Variants in KANK3 observed in about 807,000 individuals in gnomAD.
KANK3 encodes the protein KN motif and ankyrin repeat domains 3.
In KANK3, 61 loss-of-function variants were observed where a neutral mutation model predicts 65.4. The observed-to-expected ratio is 0.93, with a 90% confidence interval of 0.76 to 1.15. The LOEUF (loss-of-function observed/expected upper bound fraction) is 1.15. KANK3 is among the 50% of genes most tolerant of loss of function. The pLI, the probability that KANK3 is intolerant of heterozygous loss-of-function variation, is 0.00. For synonymous variants in KANK3, 586 were observed against 543.3 expected (o/e 1.08, Z -1.09); for missense variants, 1,187 against 1,178.8 (o/e 1.01, Z -0.10).
chr19:8,334,220 G>A, intron 4 of KANK3, 100 bp downstream of exon 4: 3 of 1,540,342 alleles, frequency 1.9e-6, no homozygotes, highest in African/African-American at 1.4e-5. Context: ...AGGAAACTGA[G>A]GATTGCCCAG....
At chr19:8,337,192 C>T (rs1010567500) in intron 2 of KANK3, among the ~76,000 whole-genome samples, 6 of 138,124 alleles carry the variant, frequency 4.3e-5, no homozygotes, top group Admixed American at 1.5e-4. Context: ...GCCACCATGC[C>T]TGGCTAATTT....
At chr19:8,338,178 C>G (rs967019679) in intron 1 of KANK3, among the ~76,000 whole-genome samples, 5 of 151,830 alleles carry the variant, frequency 3.3e-5, no homozygotes, top group Non-Finnish European at 7.4e-5. Context: ...CCCACCACCA[C>G]GCCTGGCTAA....
At position 8,335,795 on chromosome 19, in the gene KANK3, G is replaced by A. The variant is rs552741605; in HGVS notation, c.35-3C>T. 8 of 1,233,966 alleles carry A rather than the reference G, an allele frequency of 6.5e-6. No homozygotes were observed. In the African/African-American group the frequency reaches 9.3e-5, roughly 14 times the overall value. The allele number at this position is 1,233,966 out of a possible 1,614,324, so 76.4% of individuals were successfully genotyped here. ...GCACAGGCGGGGGCCGCCCAGGTCT[G>A]GAGGCACGACGGGGGCACGGGGAGG... is the stretch of plus-strand genomic sequence containing the variant. On this transcript the variant is annotated splice_region_variant and splice_polypyrimidine_tract_variant and intron_variant, in intron 2 of 10. Transcript: ENST00000330915.
intron 2 of KANK3, among the ~76,000 whole-genome samples, chr19:8,336,294 G>A (rs1970636373): frequency 6.6e-6 from 1 of 152,066 alleles, no homozygotes; most frequent in African/African-American, 2.4e-5. Context: ...AAATTAGCTG[G>A]GCGGTAGTGG....
chr19:8,335,566 G>C lies in KANK3; in HGVS notation c.261C>G (p.Gly87=). The C allele has an allele frequency of 8.2e-7, 1 of 1,218,966 alleles. No homozygotes were observed. The highest frequency in any genetic ancestry group is 1.6e-5 in the African/African-American group (1 of 63,394). The allele number at this position is 1,218,966 out of a possible 1,614,324, so 75.5% of individuals were successfully genotyped here. A position where few individuals can be genotyped will look rare whatever the true frequency, so the allele number is the denominator to read the frequency against. ...RPGLAGARSP[G]AWTSSESLAS... ...CCAGGGACTCGCTGGATGTCCAGGC[G>C]CCTGGGCTACGTGCGCCCGCGAGGC... Residue 87 remains glycine (G), a synonymous_variant, in exon 3 of 11, where the codon GGC becomes GGG. Transcript: ENST00000330915.
chr19:8,331,935 G>A lies in KANK3; in HGVS notation c.1936+1079C>T, dbSNP rs182158089. Among the ~76,000 whole-genome samples, 9 of 151,722 alleles carry A rather than the reference G, an allele frequency of 5.9e-5. No individual in the cohort carries two copies. In the South Asian group the frequency reaches 1.0e-3, roughly 18 times the overall value. On this transcript the variant is annotated intron_variant, in intron 7 of 10. Coordinates refer to ENST00000330915, the MANE Select transcript of KANK3 (RefSeq NM_198471.3). ...TATTCCCTCCAGCTGCAAAGTAGGA[G>A]GAGCCTCAGGGCAGAACTAGGGGTA...
chr19:8,324,594 ACCC>A, intron 9 of KANK3, 33 bp downstream of exon 9: 1 of 1,612,342 alleles, frequency 6.2e-7, no homozygotes, highest in Non-Finnish European at 8.5e-7. Context: ...AGCCATGGGC[ACCC>A]CCCAAGATGC....
At chr19:8,328,417 A>ACG (rs969377336) in intron 7 of KANK3, among the ~76,000 whole-genome samples, 1 of 146,124 alleles carries the variant, frequency 6.8e-6, no homozygotes, top group African/African-American at 2.7e-5. Flanking sequence ...ACACACACAC[A>ACG]CACACACACA....
chr19:8,335,777 CG>C lies in KANK3; in HGVS notation c.49del (p.Arg17AlafsTer36), dbSNP rs2145435632. On this transcript the variant is annotated frameshift_variant, in exon 3 of 11. Transcript: ENST00000330915. LOFTEE classifies it high-confidence loss of function. The stretch of plus-strand genomic sequence containing the variant: ...CCCGGCGGCGGGGACCGGGCACAGG[CG>C]GGGGCCGCCCAGGTCTGGAGGCACG... ...NQNLPDLGGP[R>X]LCPVPAAGGA... 2.4e-6 allele frequency: 3 copies of C among 1,237,706 alleles called. No individual in the cohort carries two copies. The highest frequency in any genetic ancestry group is 2.0e-6 in the Non-Finnish European group (2 of 988,158). 76.7% of individuals were successfully genotyped at this position (1,237,706 alleles called of 1,614,324 possible). A position where few individuals can be genotyped will look rare whatever the true frequency, so the allele number is the denominator to read the frequency against.
intron 7 of KANK3, among the ~76,000 whole-genome samples, chr19:8,331,706 C>T (rs1970528526): frequency 6.6e-6 from 1 of 152,124 alleles, no homozygotes; most frequent in Admixed American, 6.6e-5. Context: ...TGAGTACCTC[C>T]CCTCCAGGCT....
chr19:8,335,655 C>A lies in KANK3; in HGVS notation c.172G>T (p.Gly58Cys), dbSNP rs1376171150. The change falls in exon 3 of 11, where the codon GGC becomes TGC. Residue 58 changes from glycine to cysteine, a missense_variant. By Grantham distance (159) the Gly-to-Cys change is radical (BLOSUM62 -3). Around this residue, in one of 3 missense-constraint regions of KANK3, gnomAD observed 104 missense variants for 122.1 expected, o/e 0.85. Coordinates refer to ENST00000330915, the MANE Select transcript of KANK3 (RefSeq NM_198471.3). Reference protein sequence around the residue: ...FLKYIEELERGPAARRAPGPP... With the variant: ...FLKYIEELERCPAARRAPGPP... The stretch of plus-strand genomic sequence containing the variant: ...CCCGGGGCGCGGCGGGCAGCGGGGC[C>A]ACGCTCCAGCTCCTCTATGTACTTG... 15 of 1,249,908 alleles carry A rather than the reference C, an allele frequency of 1.2e-5. No individual in the cohort carries two copies. The highest frequency in any genetic ancestry group is 1.5e-5 in the Non-Finnish European group (15 of 994,130). The allele number at this position is 1,249,908 out of a possible 1,614,324, so 77.4% of individuals were successfully genotyped here.
In KANK3 at chr19:8,324,619, T is replaced by C. The variant is rs772012421; in HGVS notation, c.2283+11A>G. 6.2e-7 allele frequency: 1 copy of C among 1,613,490 alleles called. No homozygotes were observed. Among genetic ancestry groups the C allele is most frequent in the Non-Finnish European group, 8.5e-7 (1 of 1,179,600 alleles). ...ACCCCCCAAGATGCCAGCCCCATTG[T>C]GGGGTCTTACATTGTCCAGGATGGC... On this transcript the variant is annotated intron_variant, in intron 9 of 10. Transcript: ENST00000330915.
intron 1 of KANK3, among the ~76,000 whole-genome samples, chr19:8,338,646 A>T (rs12151097): frequency 0.61 from 92,169 of 151,286 alleles, 28,380 homozygotes; most frequent in African/African-American, 0.66. Flanking sequence ...GAGGCCGAGG[A>T]GGGCGGATCA....
chr19:8,323,805 T>C (rs763493502), intron 10 of KANK3, among the ~76,000 whole-genome samples: 1 of 152,156 alleles, frequency 6.6e-6, no homozygotes, highest in Non-Finnish European at 1.5e-5. Flanking sequence ...GTGGGCTGAT[T>C]AGATAACTTG....
At position 8,322,701 on chromosome 19, in the gene KANK3, C is replaced by T. The variant is rs1741730155; in HGVS notation, c.*138G>A. ...GTGAGCCCCTTCCTGCCACAGTCAC[C>T]CCAACTGAAATTGCCTTTCTCTTCG... On this transcript the variant is annotated 3_prime_UTR_variant, in exon 11 of 11. Coordinates refer to ENST00000330915, the MANE Select transcript of KANK3 (RefSeq NM_198471.3). 1.5e-6 allele frequency: 1 copy of T among 656,326 alleles called. No homozygotes were observed. Among genetic ancestry groups the T allele is most frequent in the African/African-American group, 1.8e-5 (1 of 54,790 alleles). The allele number at this position is 656,326 out of a possible 1,614,324, so 40.7% of individuals were successfully genotyped here.
intron 1 of KANK3, among the ~76,000 whole-genome samples, chr19:8,342,207 G>A (rs1970730067): frequency 6.6e-6 from 1 of 152,070 alleles, no homozygotes. Context: ...TGGTCAGTCT[G>A]GTCTCAAACT....
rs1309320957 is a variant in KANK3, at chr19:8,333,492, C to A, written c.1719+232G>T. ...CGGGAGAACATGGAACGGGGAAAGG[C>A]AATGAACGCTTGCCCTTGGGGAGTC... On this transcript the variant is annotated intron_variant, in intron 6 of 10. Transcript: ENST00000330915. This position sits in a 1 kb window ranked among gnomAD's most constrained non-coding sequence, Gnocchi z 5.0. Among the ~76,000 whole-genome samples, 1 of 152,176 alleles carries A rather than the reference C, an allele frequency of 6.6e-6. No homozygotes were observed. The highest frequency in any genetic ancestry group is 2.4e-5 in the African/African-American group (1 of 41,466).
intron 7 of KANK3, among the ~76,000 whole-genome samples, chr19:8,327,246 C>T (rs1346621055): frequency 1.3e-5 from 2 of 152,044 alleles, no homozygotes; most frequent in African/African-American, 4.8e-5. Context: ...AACGCCTGTA[C>T]ACCCAAATGC....
Position 8,329,142 on chromosome 19 carries a change from G to A in KANK3, c.1936+3872C>T, listed in dbSNP as rs1238261360. Among the ~76,000 whole-genome samples, 5 of 140,440 alleles carry A rather than the reference G, an allele frequency of 3.6e-5. No homozygotes were observed. The South Asian group carries it at 7.0e-4, about 20-fold the overall frequency. The allele number at this position is 140,440 out of a possible 152,430, so 92.1% of individuals were successfully genotyped here. On this transcript the variant is annotated intron_variant, in intron 7 of 10. Coordinates refer to ENST00000330915, the MANE Select transcript of KANK3 (RefSeq NM_198471.3). ...GCCGAGATGGCGCCACTGCACTCCA[G>A]CCTGGGTGACAGAGCGAGACTCCAT...
Sources: gnomAD v4.1 joint callset for allele counts (sites outside exome capture counted in the v4.1 genomes callset) on GRCh38, gnomAD v4.1.1 for gene constraint, gnomAD v4.1.1 regional missense constraint, Gnocchi (gnomAD v3.1) non-coding constraint, MANE v1.5 for transcripts, NCBI Gene and HGNC (gene_info 2026-07-23, HGNC 2026-07-21) for gene names.